Variants in THSD7B observed in about 807,000 individuals in gnomAD.
THSD7B encodes thrombospondin type 1 domain containing 7B, also known as thrombospondin type-1 domain-containing protein 7B.
THSD7B carries 138 observed loss-of-function variants against 213.6 expected under a neutral mutation model. The observed-to-expected ratio is 0.65, with a 90% CI of 0.56 to 0.74. The LOEUF is 0.74. THSD7B is among the 30% of genes least tolerant of loss of function. The pLI is 0.00. For missense variants in THSD7B, 1,931 were observed against 1,991.5 expected, an observed-to-expected ratio of 0.97 and a Z score of 0.58; for synonymous variants, 742 against 687.0, an observed-to-expected ratio of 1.08 and a Z score of -1.25.
At chr2:136,777,978 A>C (rs1265895714) in intron 1 of THSD7B, among the ~76,000 whole-genome samples, 1 of 152,166 alleles carries the variant, frequency 6.6e-6, no homozygotes, top group African/African-American at 2.4e-5. Flanking sequence ...GGAATGCATA[A>C]AGATGAACAT....
intron 5 of THSD7B, among the ~76,000 whole-genome samples, chr2:137,148,558 T>G (rs1433465400): frequency 2.0e-5 from 3 of 152,138 alleles, no homozygotes; most frequent in African/African-American, 7.2e-5. Context: ...CTTTGGAACT[T>G]TCTAGAGACT....
intron 2 of THSD7B, among the ~76,000 whole-genome samples, chr2:136,942,319 T>A (rs1178278718): frequency 6.6e-6 from 1 of 152,202 alleles, no homozygotes; most frequent in African/African-American, 2.4e-5. Flanking sequence ...GGGATTGTCT[T>A]GGCAATGTGG....
At chr2:137,586,955 T>C (rs934150008) in intron 17 of THSD7B, among the ~76,000 whole-genome samples, 5 of 152,356 alleles carry the variant, frequency 3.3e-5, no homozygotes, top group Admixed American at 2.0e-4. Flanking sequence ...CCATTCTCCC[T>C]GTCACTTTCA....
chr2:137,102,544 G>A lies in THSD7B; in HGVS notation c.1199+7423G>A, dbSNP rs111876767. ...AAACTGGATGGAGAATGAGTTTGAC[G>A]AATTGACAGAAGTAGGCTTCAGAAG... On this transcript the variant is annotated intron_variant, in intron 4 of 27. Transcript: ENST00000409968. 6.9e-3 allele frequency among the ~76,000 whole-genome samples: 1,045 copies of A among 152,258 alleles called. 7 individuals are homozygous for A. Among genetic ancestry groups the A allele is most frequent in the Middle Eastern group, 0.017 (5 of 294 alleles).
intron 12 of THSD7B, among the ~76,000 whole-genome samples, chr2:137,305,832 T>C (rs1046367739): frequency 6.6e-6 from 1 of 152,144 alleles, no homozygotes; most frequent in Non-Finnish European, 1.5e-5. Flanking sequence ...GACACACATC[T>C]AGATAGGATA....
chr2:137,657,345 A>C (rs1372751524), intron 24 of THSD7B, among the ~76,000 whole-genome samples, 185 bp downstream of exon 24: 1 of 152,250 alleles, frequency 6.6e-6, no homozygotes, highest in African/African-American at 2.4e-5. Context: ...TTTAAGACCT[A>C]TAAAAATATC....
intron 2 of THSD7B, among the ~76,000 whole-genome samples, chr2:137,016,493 T>TACTGTGAAACCTACTTGCCACCGC (rs1319675566): frequency 6.6e-6 from 1 of 152,230 alleles, no homozygotes; most frequent in Non-Finnish European, 1.5e-5. Flanking sequence ...GCTGCCATCT[T>TACTGTGAAACCTACTTGCCACCGC]ACTGTGAAAC....
chr2:137,077,610 G>C (rs962757565), intron 3 of THSD7B, among the ~76,000 whole-genome samples: 2 of 152,126 alleles, frequency 1.3e-5, no homozygotes, highest in African/African-American at 2.4e-5. Context: ...GTCTTTTGCT[G>C]CATAAATGTC....
At chr2:136,878,651 C>T (rs1042873761) in intron 1 of THSD7B, among the ~76,000 whole-genome samples, 44 of 152,104 alleles carry the variant, frequency 2.9e-4, no homozygotes, top group Non-Finnish European at 1.3e-4. Context: ...TTTTGATTTG[C>T]ATTTCTCTGA....
chr2:136,883,180 T>A (rs1683653741), intron 2 of THSD7B, among the ~76,000 whole-genome samples: 1 of 152,140 alleles, frequency 6.6e-6, no homozygotes, highest in Non-Finnish European at 1.5e-5. Flanking sequence ...TTATAGAAGA[T>A]CTATGGTCCT....
At chr2:137,558,033 T>C (rs1427219798) in intron 15 of THSD7B, among the ~76,000 whole-genome samples, 1 of 152,164 alleles carries the variant, frequency 6.6e-6, no homozygotes, top group Non-Finnish European at 1.5e-5. Flanking sequence ...AATTCCTCAA[T>C]AGACCAATAA....
intron 2 of THSD7B, among the ~76,000 whole-genome samples, chr2:136,922,536 T>G (rs950252379): frequency 4.6e-5 from 7 of 152,310 alleles, no homozygotes; most frequent in African/African-American, 1.7e-4. Context: ...ACTTAGAAAA[T>G]GCAATAAGCT....
intron 1 of THSD7B, among the ~76,000 whole-genome samples, chr2:136,810,654 C>A (rs1388963156): frequency 6.6e-6 from 1 of 152,200 alleles, no homozygotes; most frequent in Non-Finnish European, 1.5e-5. Flanking sequence ...TCTGCTAGTG[C>A]AATGGGCTCT....
intron 15 of THSD7B, among the ~76,000 whole-genome samples, chr2:137,482,843 G>T (rs1319432069): frequency 6.6e-6 from 1 of 152,186 alleles, no homozygotes; most frequent in Non-Finnish European, 1.5e-5. Flanking sequence ...CGGGTGAGAG[G>T]AAAGGCAGGA....
intron 2 of THSD7B, among the ~76,000 whole-genome samples, chr2:137,018,810 A>T (rs776391479): frequency 1.3e-5 from 2 of 152,282 alleles, no homozygotes; most frequent in Non-Finnish European, 2.9e-5. Flanking sequence ...GTGTTATCCC[A>T]TTACCAATGT....
intron 15 of THSD7B, among the ~76,000 whole-genome samples, chr2:137,547,569 A>G (rs1248127089): frequency 2.6e-5 from 4 of 152,028 alleles, no homozygotes; most frequent in African/African-American, 9.7e-5. Flanking sequence ...AATCTATTTT[A>G]TCTCTTGGAT....
At chr2:137,144,134 A>G (rs1679645024) in intron 5 of THSD7B, among the ~76,000 whole-genome samples, 1 of 152,070 alleles carries the variant, frequency 6.6e-6, no homozygotes, top group Non-Finnish European at 1.5e-5. Context: ...AAGTAATAGC[A>G]AGTAGTGCCT....
intron 2 of THSD7B, among the ~76,000 whole-genome samples, chr2:137,042,683 T>C (rs961754833): frequency 6.6e-6 from 1 of 152,192 alleles, no homozygotes; most frequent in African/African-American, 2.4e-5. Context: ...TCAGATGAGA[T>C]GATTAATCCA....
chr2:136,923,291 A>G (rs2710186), intron 2 of THSD7B, among the ~76,000 whole-genome samples: 61,675 of 149,740 alleles, frequency 0.41, 14,781 homozygotes, highest in Non-Finnish European at 0.56. Context: ...CCTTCTTTTT[A>G]AAGGCTGCAT....
Sources: gnomAD v4.1 joint callset for allele counts (sites outside exome capture counted in the v4.1 genomes callset) on GRCh38, gnomAD v4.1.1 for gene constraint, MANE v1.5 for transcripts, NCBI Gene and HGNC (gene_info 2026-07-23, HGNC 2026-07-21) for gene names.